MSN: variants seen among roughly 807,000 people sequenced by gnomAD.
MSN encodes epididymis luminal protein 70.
Under a neutral mutation model 48.0 loss-of-function variants are expected in MSN, and 2 were observed. The ratio of observed to expected loss-of-function variants is 0.04; its 90% CI spans 0.02 to 0.13. The LOEUF (loss-of-function observed/expected upper bound fraction) is 0.13. Among genes scored for constraint, MSN ranks in the 10% least tolerant of loss-of-function variants. The probability of loss-of-function intolerance (pLI) is 1.00; values close to 1 mark genes in which losing one functional copy is unlikely to be tolerated. For missense variants in MSN, 267 were observed against 470.1 expected (o/e 0.57, Z 3.99); for synonymous variants, 146 against 166.9 (o/e 0.87, Z 0.97).
At chrX:65,630,358 C>G (rs781777254) in intron 1 of MSN, among the ~76,000 whole-genome samples, 12 of 110,944 alleles carry the variant, frequency 1.1e-4, no homozygotes, top group Non-Finnish European at 2.1e-4. Flanking sequence ...ATTACTTGAG[C>G]CCAGGGGTTT....
At chrX:65,658,426 G>T (rs7053867) in intron 1 of MSN, among the ~76,000 whole-genome samples, 1,583 of 111,876 alleles carry the variant, frequency 0.014, 37 homozygotes, top group African/African-American at 0.048. Flanking sequence ...CAGGGGCTTA[G>T]TTAATTCTTC....
intron 1 of MSN, among the ~76,000 whole-genome samples, chrX:65,653,784 A>G (rs1569458522): frequency 9.0e-6 from 1 of 110,800 alleles, no homozygotes; most frequent in Non-Finnish European, 1.9e-5. Flanking sequence ...GGAAGTATGT[A>G]TTTTTTGAGA....
chrX:65,601,254 AG>A (rs1219305313), intron 1 of MSN, among the ~76,000 whole-genome samples: 1 of 111,368 alleles, frequency 9.0e-6, no homozygotes, highest in Non-Finnish European at 1.9e-5. Context: ...CACTGTGTGA[AG>A]ATTAGGCTAC....
chrX:65,645,247 G>A (rs2070686760), intron 1 of MSN, among the ~76,000 whole-genome samples: 1 of 111,978 alleles, frequency 8.9e-6, no homozygotes, highest in Non-Finnish European at 1.9e-5. Flanking sequence ...GCTTCTGATA[G>A]CTGATAGCTG....
intron 1 of MSN, among the ~76,000 whole-genome samples, chrX:65,615,360 A>G (rs761197095): frequency 0.12 from 12,630 of 105,927 alleles, 2,739 homozygotes; most frequent in African/African-American, 0.46. Flanking sequence ...ATCCTCTCCA[A>G]CACCTGTTGT....
intron 1 of MSN, among the ~76,000 whole-genome samples, chrX:65,696,762 G>C (rs961443489): frequency 9.0e-6 from 1 of 111,486 alleles, no homozygotes; most frequent in African/African-American, 3.3e-5. Flanking sequence ...AGCTGAGCTT[G>C]TGGTTTGGAG....
chrX:65,629,367 G>A (rs938771802), intron 1 of MSN, among the ~76,000 whole-genome samples: 10 of 112,008 alleles, frequency 8.9e-5, no homozygotes, highest in South Asian at 3.7e-4. Flanking sequence ...TCTCTGGGAA[G>A]TTTCAAACTT....
intron 1 of MSN, chrX:65,624,878 GAAGGAAGGAAGGAAGA>G (rs2070491191): frequency 9.1e-6 from 1 of 109,919 alleles, no homozygotes; most frequent in African/African-American, 3.3e-5. Flanking sequence ...AGGAAGAAAG[GAAGGAAGGAAGGAAGA>G]AAGGAAGGAA....
At chrX:65,652,887 G>A (rs1218151753) in intron 1 of MSN, among the ~76,000 whole-genome samples, 1 of 111,707 alleles carries the variant, frequency 9.0e-6, no homozygotes, top group Non-Finnish European at 1.9e-5. Context: ...CTCTTTCATT[G>A]AGGATATGGG....
intron 1 of MSN, among the ~76,000 whole-genome samples, chrX:65,670,894 AG>A (rs2070926772): frequency 2.2e-5 from 1 of 46,282 alleles, no homozygotes; most frequent in Non-Finnish European, 3.6e-5. Context: ...TGATGATGAC[AG>A]TTATATATAT....
chrX:65,636,761 A>C (rs1207395634), intron 1 of MSN, among the ~76,000 whole-genome samples: 1 of 100,720 alleles, frequency 9.9e-6, no homozygotes. Context: ...AAAAAAAAAA[A>C]AAAAAAAAAA....
At chrX:65,633,729 G>A (rs192161062) in intron 1 of MSN, among the ~76,000 whole-genome samples, 2 of 112,422 alleles carry the variant, frequency 1.8e-5, no homozygotes, top group East Asian at 5.5e-4. Context: ...AAGCATGTCA[G>A]CCTTCAATGG....
chrX:65,692,532 T>G (rs928574444), intron 1 of MSN, among the ~76,000 whole-genome samples: 1 of 112,766 alleles, frequency 8.9e-6, no homozygotes, highest in African/African-American at 3.2e-5. Flanking sequence ...TATCCAGGTT[T>G]GAGGCCTTGC....
chrX:65,590,503 G>A (rs752734519), intron 1 of MSN, among the ~76,000 whole-genome samples: 3 of 110,909 alleles, frequency 2.7e-5, no homozygotes, highest in Non-Finnish European at 3.8e-5. Flanking sequence ...TCCTACCCCC[G>A]AAGGACGCTC....
chrX:65,677,211 T>C (rs1028256232), intron 1 of MSN, among the ~76,000 whole-genome samples: 1 of 111,605 alleles, frequency 9.0e-6, no homozygotes, highest in African/African-American at 3.3e-5. Context: ...AATTTTTAAC[T>C]GAGGTTGACT....
At position 65,604,483 on chromosome X, in the gene MSN, G is replaced by T. The variant is rs903791661; in HGVS notation, c.-22+15871G>T. Among the ~76,000 whole-genome samples, 7 of 112,227 alleles carry T rather than the reference G, an allele frequency of 6.2e-5. No individual in the cohort carries two copies. The East Asian group carries it at 1.9e-3, about 31-fold the overall frequency. On this transcript the variant is annotated intron_variant, in intron 1 of 3. Coordinates refer to the MSN transcript ENST00000609672. ...GTTAATAGAGGTTAGGAAACACTAT[G>T]CATCAACATAAAGGAGGGATTCTCT...
At chrX:65,737,961 C>T (rs1041244314) in intron 10 of MSN, among the ~76,000 whole-genome samples, 1 of 112,440 alleles carries the variant, frequency 8.9e-6, no homozygotes, top group Non-Finnish European at 1.9e-5. Flanking sequence ...GTGGTCCAAA[C>T]TCCTTGACAT....
In MSN at chrX:65,740,569, C is replaced by G. The variant is rs6525006; in HGVS notation, c.*676C>G. The G allele has an allele frequency of 0.18, 30,202 of 171,907 alleles. 8,620 individuals are homozygous for G. The highest frequency in any genetic ancestry group is 0.83 in the African/African-American group (27,644 of 33,312). 14.2% of individuals were successfully genotyped at this position (171,907 alleles called of 1,213,427 possible). A position where few individuals can be genotyped will look rare whatever the true frequency, so the allele number is the denominator to read the frequency against. On this transcript the variant is annotated 3_prime_UTR_variant, in exon 13 of 13. Transcript: ENST00000360270. ...GATGGGGGAAATGGTGCCTTCAAGA[C>G]CTTCACCAAACATACTAGAAGGGCA...
chrX:65,649,618 T>C (rs1252367405), intron 1 of MSN, among the ~76,000 whole-genome samples: 1 of 103,369 alleles, frequency 9.7e-6, no homozygotes, highest in Non-Finnish European at 2.0e-5. Context: ...TGTGTGTGTG[T>C]GTGTGTATGC....
Sources: gnomAD v4.1 joint callset for allele counts (sites outside exome capture counted in the v4.1 genomes callset) on GRCh38, gnomAD v4.1.1 for gene constraint, MANE v1.5 for transcripts, NCBI Gene and HGNC (gene_info 2026-07-23, HGNC 2026-07-21) for gene names.